Variants in COL5A2 observed in about 807,000 individuals in gnomAD.
COL5A2 encodes collagen alpha-2(V) chain.
Under a neutral mutation model 208.2 loss-of-function variants are expected in COL5A2, and 23 were observed. The ratio of observed to expected loss-of-function variants is 0.11; its 90% CI spans 0.08 to 0.16. The LOEUF is 0.16. Among genes scored for constraint, COL5A2 ranks in the 10% least tolerant of loss-of-function variants. The probability of loss-of-function intolerance (pLI) is 1.00; values close to 1 mark genes in which losing one functional copy is unlikely to be tolerated. For missense variants in COL5A2, 1,590 were observed against 1,956.4 expected, an observed-to-expected ratio of 0.81 and a Z score of 3.53; for synonymous variants, 625 against 628.5, an observed-to-expected ratio of 0.99 and a Z score of 0.08.
the COL5A2 span, among the ~76,000 whole-genome samples, chr2:189,281,422 T>C: frequency 6.6e-6 from 1 of 152,234 alleles, no homozygotes; most frequent in African/African-American, 2.4e-5. Context: ...TAGTGTAAAA[T>C]TGCAATGAAT....
At chr2:189,053,319 G>T in intron 38 of COL5A2, 105 bp downstream of exon 38, 1 of 1,078,382 alleles carries the variant, frequency 9.3e-7, no homozygotes, top group African/African-American at 1.6e-5. Context: ...CTAGAAAACT[G>T]TAAATTTTCC....
chr2:189,262,110 C>T, the COL5A2 span, among the ~76,000 whole-genome samples: 12 of 152,172 alleles, frequency 7.9e-5, no homozygotes, highest in East Asian at 1.9e-4. Flanking sequence ...AATAATAACG[C>T]TTGTCCAGTT....
intron 1 of COL5A2, among the ~76,000 whole-genome samples, chr2:189,164,524 C>T (rs1292546637): frequency 6.6e-6 from 1 of 151,856 alleles, no homozygotes; most frequent in Non-Finnish European, 1.5e-5. Flanking sequence ...AAAAATACAA[C>T]TTTACCTTCT....
chr2:189,165,296 A>T (rs1271869609), intron 1 of COL5A2, among the ~76,000 whole-genome samples: 3 of 152,212 alleles, frequency 2.0e-5, no homozygotes, highest in Non-Finnish European at 4.4e-5. Flanking sequence ...AGGGAAAAAC[A>T]TGAGATAAGT....
chr2:189,363,500 G>A, the COL5A2 span, among the ~76,000 whole-genome samples: 1 of 151,672 alleles, frequency 6.6e-6, no homozygotes. Context: ...ACATTCCTAG[G>A]ATAAACCCTA....
the COL5A2 span, among the ~76,000 whole-genome samples, chr2:189,253,721 T>C: frequency 6.6e-6 from 1 of 152,258 alleles, no homozygotes; most frequent in Admixed American, 6.5e-5. Context: ...TTAAATTTGG[T>C]CGAAGTTCTC....
chr2:189,050,380 A>G lies in COL5A2; in HGVS notation c.3039+189T>C, dbSNP rs550000156. Among the ~76,000 whole-genome samples, 7 of 152,300 alleles carry G rather than the reference A, an allele frequency of 4.6e-5. No homozygotes were observed. The East Asian group carries it at 1.2e-3, about 25-fold the overall frequency. ...TAGTCTCAGGGTTAAACAAATATAT[A>G]TTTTCAAAGACTTTGTAAGGTAGTT... On this transcript the variant is annotated intron_variant, in intron 43 of 53. Coordinates refer to ENST00000374866, the MANE Select transcript of COL5A2 (RefSeq NM_000393.5).
chr2:189,425,526 T>C, the COL5A2 span, among the ~76,000 whole-genome samples: 1 of 152,128 alleles, frequency 6.6e-6, no homozygotes, highest in Non-Finnish European at 1.5e-5. Flanking sequence ...AAAATAAGAA[T>C]AAAATTCTGT....
chr2:189,391,481 C>T, the COL5A2 span, among the ~76,000 whole-genome samples: 2 of 151,996 alleles, frequency 1.3e-5, no homozygotes, highest in East Asian at 3.9e-4. Flanking sequence ...CTAGGGTAAA[C>T]AAAGTAACAG....
intron 42 of COL5A2, among the ~76,000 whole-genome samples, chr2:189,051,006 T>A (rs143548197): frequency 6.6e-6 from 1 of 152,090 alleles, no homozygotes; most frequent in South Asian, 2.1e-4. Flanking sequence ...AAAAGAGTTA[T>A]CTAAACACAA....
chr2:189,169,625 G>A (rs562713776), intron 1 of COL5A2, among the ~76,000 whole-genome samples: 1 of 152,220 alleles, frequency 6.6e-6, no homozygotes, highest in South Asian at 2.1e-4. Flanking sequence ...CTCTCTGAGA[G>A]CAAAAGTTGT....
At chr2:189,365,851 T>A in the COL5A2 span, among the ~76,000 whole-genome samples, 1 of 152,158 alleles carries the variant, frequency 6.6e-6, no homozygotes, top group South Asian at 2.1e-4. Context: ...CCAGTAAAGG[T>A]GAAAAAGGCC....
intron 44 of COL5A2, among the ~76,000 whole-genome samples, chr2:189,049,045 A>AC (rs1187043756): frequency 3.1e-5 from 1 of 32,036 alleles, no homozygotes; most frequent in African/African-American, 6.0e-5. Context: ...AAATAATAAC[A>AC]AGGGAAAGAT....
chr2:189,047,789 T>C (rs1685700542), intron 45 of COL5A2, among the ~76,000 whole-genome samples: 1 of 152,182 alleles, frequency 6.6e-6, no homozygotes, highest in Non-Finnish European at 1.5e-5. Flanking sequence ...TTAAAACACA[T>C]CATGGAATAT....
chr2:189,081,065 G>C, intron 12 of COL5A2, 22 bp from the exon 13 acceptor site: 1 of 1,607,712 alleles, frequency 6.2e-7, no homozygotes, highest in East Asian at 2.2e-5. Flanking sequence ...ACATAGATAG[G>C]GCATTTTACA....
the COL5A2 span, among the ~76,000 whole-genome samples, chr2:189,277,413 G>C: frequency 6.6e-6 from 1 of 152,020 alleles, no homozygotes; most frequent in Non-Finnish European, 1.5e-5. Flanking sequence ...GGTTGAAAAC[G>C]CAAAGGCTGG....
chr2:189,432,606 G>T, the COL5A2 span, among the ~76,000 whole-genome samples: 1 of 152,078 alleles, frequency 6.6e-6, no homozygotes, highest in Non-Finnish European at 1.5e-5. Flanking sequence ...AAAGGTAAAG[G>T]GATCAAATCA....
chr2:189,213,637 A>G (rs2105870647), intron 1 of COL5A2, among the ~76,000 whole-genome samples: 1 of 152,352 alleles, frequency 6.6e-6, no homozygotes, highest in Non-Finnish European at 1.5e-5. Flanking sequence ...AAATTAACCG[A>G]AAGGGAGGAG....
At chr2:189,198,419 T>A (rs1325181552) in intron 1 of COL5A2, among the ~76,000 whole-genome samples, 1 of 152,122 alleles carries the variant, frequency 6.6e-6, no homozygotes, top group Non-Finnish European at 1.5e-5. Context: ...AAACCATATA[T>A]AATTTACGTT....
Sources: gnomAD v4.1 joint callset for allele counts (sites outside exome capture counted in the v4.1 genomes callset) on GRCh38, gnomAD v4.1.1 for gene constraint, MANE v1.5 for transcripts, NCBI Gene and HGNC (gene_info 2026-07-23, HGNC 2026-07-21) for gene names.